Variants in RPA3 observed in about 807,000 individuals in gnomAD.
RPA3 encodes the protein replication protein A 14 kDa subunit.
RPA3 carries 24 observed loss-of-function variants against 13.7 expected under a neutral mutation model. The ratio of observed to expected loss-of-function variants is 1.75; its 90% CI spans 1.27 to 2.46. RPA3 has a LOEUF of 2.46. RPA3 is among the 30% of genes most tolerant of loss of function. RPA3 has a pLI of 0.00. For synonymous variants in RPA3, 59 were observed against 51.2 expected, an observed-to-expected ratio of 1.15 and a Z score of -0.65; for missense variants, 183 against 151.0, an observed-to-expected ratio of 1.21 and a Z score of -1.11.
chr7:7,636,911 A>C lies in RPA3; in HGVS notation c.*89T>G, dbSNP rs960330676. 4.2e-6 allele frequency: 4 copies of C among 944,472 alleles called. No homozygotes were observed. The Admixed American group carries it at 6.5e-5, about 15-fold the overall frequency. The allele number at this position is 944,472 out of a possible 1,614,324, so 58.5% of individuals were successfully genotyped here. A position where few individuals can be genotyped will look rare whatever the true frequency, so the allele number is the denominator to read the frequency against. On this transcript the variant is annotated 3_prime_UTR_variant, in exon 8 of 8. Coordinates refer to ENST00000223129, the MANE Select transcript of RPA3 (RefSeq NM_002947.5). The stretch of plus-strand genomic sequence containing the variant: ...AAAAACAGCAAATTAAATATGAGAA[A>C]GCACAGAAATCTCTCCCTCAAACAA...
chr7:7,703,796 A>G (rs562281507), intron 2 of RPA3, among the ~76,000 whole-genome samples: 15 of 152,206 alleles, frequency 9.9e-5, no homozygotes, highest in African/African-American at 3.1e-4. Flanking sequence ...AAAATTAGCC[A>G]GGTAATGTGG....
At chr7:7,647,209 G>A (rs1785118159) in intron 4 of RPA3, among the ~76,000 whole-genome samples, 1 of 152,032 alleles carries the variant, frequency 6.6e-6, no homozygotes, top group Admixed American at 6.5e-5. Flanking sequence ...TAAGTTCTAG[G>A]TATTTTCTAG....
intron 4 of RPA3, among the ~76,000 whole-genome samples, chr7:7,666,475 T>C (rs1779459588): frequency 6.6e-6 from 1 of 152,064 alleles, no homozygotes; most frequent in Non-Finnish European, 1.5e-5. Flanking sequence ...CCCAAAGTAC[T>C]GGAATTACAG....
At chr7:7,712,457 T>C (rs2115171456) in intron 2 of RPA3, among the ~76,000 whole-genome samples, 1 of 152,244 alleles carries the variant, frequency 6.6e-6, no homozygotes, top group South Asian at 2.1e-4. Context: ...GAGTGCTTTT[T>C]TGTTTTATTA....
chr7:7,704,386 C>A (rs987538043), intron 2 of RPA3, among the ~76,000 whole-genome samples: 4 of 151,734 alleles, frequency 2.6e-5, no homozygotes, highest in Non-Finnish European at 5.9e-5. Context: ...ACGTAAGAGT[C>A]CTTTGGGTCC....
chr7:7,688,099 G>C (rs1780081841), intron 2 of RPA3, among the ~76,000 whole-genome samples: 1 of 152,184 alleles, frequency 6.6e-6, no homozygotes, highest in Non-Finnish European at 1.5e-5. Context: ...CAGTGGTCTG[G>C]AAACTTCTGA....
At chr7:7,718,470 T>C (rs1053760429) in intron 1 of RPA3, 45 bp downstream of exon 1, 3 of 152,172 alleles carry the variant, frequency 2.0e-5, no homozygotes, top group Admixed American at 6.5e-5. Flanking sequence ...TAAGTTATTT[T>C]GAAGGAAAAA....
At chr7:7,706,022 TA>T (rs1245532908) in intron 2 of RPA3, among the ~76,000 whole-genome samples, 3 of 152,220 alleles carry the variant, frequency 2.0e-5, no homozygotes, top group Non-Finnish European at 4.4e-5. Flanking sequence ...TCTTTGTTGC[TA>T]TTTTTACATG....
chr7:7,671,200 C>T (rs917381657), intron 4 of RPA3, among the ~76,000 whole-genome samples: 1 of 152,212 alleles, frequency 6.6e-6, no homozygotes, highest in Non-Finnish European at 1.5e-5. Flanking sequence ...TAACTTTAGT[C>T]AGCTTCGTGT....
chr7:7,679,713 T>A (rs1232648530), intron 4 of RPA3, among the ~76,000 whole-genome samples: 2 of 115,834 alleles, frequency 1.7e-5, no homozygotes, highest in Non-Finnish European at 3.1e-5. Context: ...TATAGATAAA[T>A]ATATATATAT....
rs746985088 is a variant in RPA3, at chr7:7,636,980, C to T, written c.*20G>A. On this transcript the variant is annotated 3_prime_UTR_variant, in exon 8 of 8. Coordinates refer to ENST00000223129, the MANE Select transcript of RPA3 (RefSeq NM_002947.5). Reference sequence around the variant, plus strand: ...GACTTTAATATAGCTCATTTACAATCGTATGAAAATCCATCAAGATCAATC... The same window carrying T: ...GACTTTAATATAGCTCATTTACAATTGTATGAAAATCCATCAAGATCAATC... The T allele has an allele frequency of 2.4e-5, 37 of 1,544,466 alleles. No individual in the cohort carries two copies. Among genetic ancestry groups the T allele is most frequent in the East Asian group, 1.1e-4 (5 of 44,354 alleles).
chr7:7,659,402 G>A (rs1785420828), intron 4 of RPA3, among the ~76,000 whole-genome samples: 2 of 152,128 alleles, frequency 1.3e-5, no homozygotes, highest in Non-Finnish European at 2.9e-5. Context: ...ACGTTAGGGT[G>A]TCGATTTTAG....
At chr7:7,701,718 CCTAT>C (rs1267997380) in intron 2 of RPA3, among the ~76,000 whole-genome samples, 1 of 152,116 alleles carries the variant, frequency 6.6e-6, no homozygotes, top group East Asian at 1.9e-4. Flanking sequence ...ATGTTTGCCT[CCTAT>C]CTGTTTATCA....
At chr7:7,674,022 T>A (rs1318771074) in intron 4 of RPA3, among the ~76,000 whole-genome samples, 1 of 152,230 alleles carries the variant, frequency 6.6e-6, no homozygotes, top group African/African-American at 2.4e-5. Flanking sequence ...TAAAATTTCC[T>A]CCATGTCATG....
At chr7:7,711,132 A>G (rs975864407) in intron 2 of RPA3, among the ~76,000 whole-genome samples, 1 of 152,206 alleles carries the variant, frequency 6.6e-6, no homozygotes, top group Non-Finnish European at 1.5e-5. Context: ...GTCTGTGTGA[A>G]TGAAATATCC....
At chr7:7,662,800 G>A (rs1332249504) in intron 4 of RPA3, among the ~76,000 whole-genome samples, 1 of 152,108 alleles carries the variant, frequency 6.6e-6, no homozygotes, top group African/African-American at 2.4e-5. Flanking sequence ...TTTTTAAAAT[G>A]GTTAATGGTG....
Position 7,662,045 on chromosome 7 carries a change from G to A in RPA3, c.-757-20870C>T, listed in dbSNP as rs534191186. 2.9e-4 allele frequency among the ~76,000 whole-genome samples: 44 copies of A among 152,302 alleles called. No homozygotes were observed. The South Asian group carries it at 9.1e-3, about 32-fold the overall frequency. ...TCTAGAGAGGCAGTCTGGCTACAGC[G>A]GCTTTGCTGAGCTGTGGAGGGCTGT... On this transcript the variant is annotated intron_variant, in intron 4 of 7. Transcript: ENST00000223129.
chr7:7,654,274 G>A (rs754916189), intron 4 of RPA3, among the ~76,000 whole-genome samples: 3 of 152,122 alleles, frequency 2.0e-5, no homozygotes, highest in Non-Finnish European at 2.9e-5. Context: ...ATTGTTTGAC[G>A]TCTGTTTTAC....
intron 2 of RPA3, among the ~76,000 whole-genome samples, chr7:7,707,805 A>G (rs559990271): frequency 2.6e-5 from 4 of 152,310 alleles, no homozygotes; most frequent in Admixed American, 2.0e-4. Context: ...TGAAATATAA[A>G]GATGCTTTCT....
Sources: gnomAD v4.1 joint callset for allele counts (sites outside exome capture counted in the v4.1 genomes callset) on GRCh38, gnomAD v4.1.1 for gene constraint, MANE v1.5 for transcripts, NCBI Gene and HGNC (gene_info 2026-07-23, HGNC 2026-07-21) for gene names.